Variants in SMYD3 observed in about 807,000 individuals in gnomAD.
SMYD3 encodes histone-lysine N-methyltransferase SMYD3.
A neutral mutation model predicts 57.7 loss-of-function variants in SMYD3; 36 were observed. That is an observed-to-expected ratio of 0.62 (90% confidence interval 0.48 to 0.82). The LOEUF (loss-of-function observed/expected upper bound fraction) is 0.82. Among genes scored for constraint, SMYD3 ranks in the 40% least tolerant of loss-of-function variants. SMYD3 has a pLI of 0.00. For synonymous variants in SMYD3, 211 were observed against 195.0 expected (o/e 1.08, Z -0.68); for missense variants, 515 against 538.8 (o/e 0.96, Z 0.44).
At chr1:245,799,450 T>TAGTCCCTCCTGCCTACCTTCTACTCTAAG (rs143186206) in intron 10 of SMYD3, among the ~76,000 whole-genome samples, 132,548 of 151,466 alleles carry the variant, frequency 0.88, 58,213 homozygotes, top group Middle Eastern at 0.94. Context: ...AGTGCTGTTA[T>TAGTCCCTCCTGCCTACCTTCTACTCTAAG]AGTCCCTCTC....
rs35956400 is a variant in SMYD3, at chr1:246,458,438, C to CT, written c.164+48615dup. Among the ~76,000 whole-genome samples the CT allele has an allele frequency of 5.2e-3, 325 of 62,046 alleles. 42 individuals are homozygous for CT. Among genetic ancestry groups the CT allele is most frequent in the African/African-American group, 0.014 (260 of 18,196 alleles). 40.7% of individuals were successfully genotyped at this position (62,046 alleles called of 152,430 possible). ...ATAACCTTCAAGTAGAAAAGTCATT[C>CT]TTTTTTTTTTTTTTTTTTTTTTTTT... On this transcript the variant is annotated intron_variant, in intron 1 of 11. Transcript: ENST00000490107.
At chr1:246,406,571 C>T (rs2066869388) in intron 1 of SMYD3, among the ~76,000 whole-genome samples, 1 of 152,322 alleles carries the variant, frequency 6.6e-6, no homozygotes, top group East Asian at 1.9e-4. Flanking sequence ...CTCTTCAGTG[C>T]ACCGTGTCCA....
At chr1:246,427,539 A>T (rs74829521) in intron 1 of SMYD3, among the ~76,000 whole-genome samples, 28 of 150,866 alleles carry the variant, frequency 1.9e-4, no homozygotes, top group South Asian at 8.3e-4. Flanking sequence ...AAAAATAAAA[A>T]AAAATAAATG....
rs929534437 is a variant in SMYD3, at chr1:246,203,511, C to T, written c.531+123690G>A. 6.6e-6 allele frequency among the ~76,000 whole-genome samples: 1 copy of T among 152,144 alleles called. No individual in the cohort carries two copies. The highest frequency in any genetic ancestry group is 1.5e-5 in the Non-Finnish European group (1 of 68,028). ...TCTATAGGTTTGGTTTCCTCCGAGC[C>T]CTCTCTGGCTGGAGGAGCCACTGTC... On this transcript the variant is annotated intron_variant, in intron 5 of 11. Coordinates refer to ENST00000490107, the MANE Select transcript of SMYD3 (RefSeq NM_001167740.2). The surrounding 1 kb of genome is among the most constrained non-coding windows in gnomAD (Gnocchi z 4.6).
intron 5 of SMYD3, among the ~76,000 whole-genome samples, chr1:246,280,763 AC>A (rs1040696247): frequency 2.6e-5 from 4 of 152,032 alleles, no homozygotes; most frequent in Non-Finnish European, 5.9e-5. Flanking sequence ...TATTAAACTG[AC>A]CCCTGCTGGC....
At chr1:246,201,935 C>T (rs985181380) in intron 5 of SMYD3, among the ~76,000 whole-genome samples, 2 of 151,538 alleles carry the variant, frequency 1.3e-5, no homozygotes, top group Non-Finnish European at 2.9e-5. Flanking sequence ...ATCGCTTGCA[C>T]CCGGGAGGTG....
At chr1:245,760,606 T>C (rs531302797) in intron 11 of SMYD3, among the ~76,000 whole-genome samples, 40 of 152,232 alleles carry the variant, frequency 2.6e-4, no homozygotes, top group Admixed American at 7.8e-4. Context: ...AAAAAATCCA[T>C]TCATTCAAGC....
At chr1:246,414,905 C>T (rs1001932947) in intron 1 of SMYD3, among the ~76,000 whole-genome samples, 22 of 151,926 alleles carry the variant, frequency 1.4e-4, no homozygotes, top group African/African-American at 4.3e-4. Context: ...TTAGTAGAGA[C>T]GACGTTTCAC....
rs570303940 is a variant in SMYD3 at position 246,360,201 on chromosome 1, T to A, written c.165-5107A>T. ...GCTGAGAATCAAATCAAGAACTCAA[T>A]CCCTTTTACAATAGCTGCAAAAAAA... On this transcript the variant is annotated intron_variant, in intron 1 of 11. Coordinates refer to ENST00000490107, the MANE Select transcript of SMYD3 (RefSeq NM_001167740.2). Among the ~76,000 whole-genome samples the A allele has an allele frequency of 2.0e-5, 3 of 152,050 alleles. No individual in the cohort carries two copies. The East Asian group carries it at 5.8e-4, about 29-fold the overall frequency.
rs565542355 is a variant in SMYD3, at chr1:246,506,951, C to A, written c.164+103G>T. On this transcript the variant is annotated intron_variant, in intron 1 of 11. Transcript: ENST00000490107. The stretch of plus-strand genomic sequence containing the variant: ...GCACCGCCAAGCTGCCTGTGCAGCC[C>A]CATCCAGCAGGAGTCCCGCGGCTGC... The A allele has an allele frequency of 3.9e-4, 445 of 1,132,770 alleles. 4 individuals carry two copies. The African/African-American group carries it at 6.7e-3, about 17-fold the overall frequency. The allele number at this position is 1,132,770 out of a possible 1,614,324, so 70.2% of individuals were successfully genotyped here. A position where few individuals can be genotyped will look rare whatever the true frequency, so the allele number is the denominator to read the frequency against.
At chr1:246,501,097 A>C (rs1217166985) in intron 1 of SMYD3, among the ~76,000 whole-genome samples, 7 of 152,224 alleles carry the variant, frequency 4.6e-5, no homozygotes, top group Admixed American at 4.6e-4. Context: ...TGATTTTGCT[A>C]GTTGCTTGAC....
At chr1:245,840,763 C>G (rs1287087187) in intron 10 of SMYD3, among the ~76,000 whole-genome samples, 2 of 144,428 alleles carry the variant, frequency 1.4e-5, no homozygotes, top group Non-Finnish European at 3.0e-5. Context: ...AAAAAAAAAA[C>G]AAAGTTGCAG....
intron 5 of SMYD3, among the ~76,000 whole-genome samples, chr1:246,281,333 G>A (rs1349512241): frequency 6.6e-6 from 1 of 152,152 alleles, no homozygotes; most frequent in Non-Finnish European, 1.5e-5. Flanking sequence ...GAATTATAAT[G>A]GCTGCCATTG....
At chr1:245,998,183 T>A (rs914001831) in intron 5 of SMYD3, among the ~76,000 whole-genome samples, 5 of 152,172 alleles carry the variant, frequency 3.3e-5, no homozygotes, top group African/African-American at 1.2e-4. Context: ...TAAGGAAGTA[T>A]CTTCCTGCTA....
chr1:246,338,938 C>A (rs370028588), intron 2 of SMYD3, among the ~76,000 whole-genome samples: 2 of 152,280 alleles, frequency 1.3e-5, no homozygotes, highest in East Asian at 3.9e-4. Flanking sequence ...CTGTGTCGGA[C>A]AGTTCTCCAC....
intron 5 of SMYD3, among the ~76,000 whole-genome samples, chr1:245,982,978 C>T (rs2148076276): frequency 6.6e-6 from 1 of 152,328 alleles, no homozygotes; most frequent in Non-Finnish European, 1.5e-5. Context: ...CGCAAATGCT[C>T]AAGGTACTGA....
chr1:245,863,491 T>A (rs1572539283), intron 9 of SMYD3, among the ~76,000 whole-genome samples: 2 of 152,278 alleles, frequency 1.3e-5, no homozygotes, highest in Admixed American at 1.3e-4. Flanking sequence ...GAGAAGAAAA[T>A]TGAGGAATTT....
chr1:245,844,994 T>C (rs902297141), intron 10 of SMYD3, among the ~76,000 whole-genome samples: 2 of 152,222 alleles, frequency 1.3e-5, no homozygotes, highest in Non-Finnish European at 2.9e-5. Context: ...GAATTTTACT[T>C]CCAAATGAAG....
intron 1 of SMYD3, among the ~76,000 whole-genome samples, chr1:246,445,867 A>C (rs965013160): frequency 2.7e-5 from 4 of 147,970 alleles, no homozygotes; most frequent in East Asian, 2.0e-4. Flanking sequence ...AAAAAAAAAC[A>C]AAAAAAAAAC....
Sources: allele counts gnomAD v4.1 joint callset (sites outside exome capture counted in the v4.1 genomes callset), GRCh38; gene constraint gnomAD v4.1.1; non-coding constraint Gnocchi (gnomAD v3.1); transcripts MANE v1.5; gene names NCBI Gene and HGNC (gene_info 2026-07-23, HGNC 2026-07-21).